The following RASA1 variants were observed in gnomAD, a reference collection of about 807,000 sequenced individuals.
RASA1 encodes RAS p21 protein activator 1, also known as ras GTPase-activating protein 1.
RASA1 carries 25 observed loss-of-function variants against 132.2 expected under a neutral mutation model. The observed-to-expected ratio is 0.19, with a 90% CI of 0.14 to 0.26. RASA1 has a LOEUF of 0.26. Ranked by LOEUF, RASA1 falls within the 10% of genes least tolerant of loss-of-function variation. RASA1 has a pLI of 1.00. For synonymous variants in RASA1, 477 were observed against 449.9 expected, an observed-to-expected ratio of 1.06 and a Z score of -0.76; for missense variants, 964 against 1,299.2, an observed-to-expected ratio of 0.74 and a Z score of 3.97.
At chr5:87,369,743 T>C (rs1180171482) in intron 11 of RASA1, 70 bp from the exon 12 acceptor site, 6 of 971,172 alleles carry the variant, frequency 6.2e-6, no homozygotes, top group Non-Finnish European at 9.7e-6. Context: ...TGTGAGTGTT[T>C]TGGAAGCTGG....
chr5:87,328,315 C>T (rs1757379098), intron 1 of RASA1, among the ~76,000 whole-genome samples: 1 of 29,914 alleles, frequency 3.3e-5, no homozygotes, highest in South Asian at 1.6e-3. Context: ...TTCTAGATTC[C>T]AGTTGAATTT....
chr5:87,283,575 T>A (rs1265107638), intron 1 of RASA1, among the ~76,000 whole-genome samples: 1 of 152,124 alleles, frequency 6.6e-6, no homozygotes, highest in Non-Finnish European at 1.5e-5. Flanking sequence ...CTGTTAAGTT[T>A]TTGTATATTA....
intron 1 of RASA1, among the ~76,000 whole-genome samples, chr5:87,323,808 T>C (rs1378292944): frequency 1.3e-5 from 2 of 152,132 alleles, no homozygotes; most frequent in African/African-American, 4.8e-5. Flanking sequence ...TCAGTTGCCA[T>C]TCATCTTTTA....
chr5:87,343,515 T>A (rs2112405384), intron 6 of RASA1, among the ~76,000 whole-genome samples: 1 of 152,222 alleles, frequency 6.6e-6, no homozygotes, highest in African/African-American at 2.4e-5. Context: ...AAAACTACAA[T>A]GAGATTTCAT....
chr5:87,270,646 C>A (rs968914137), intron 1 of RASA1, among the ~76,000 whole-genome samples: 3 of 71,764 alleles, frequency 4.2e-5, no homozygotes, highest in Non-Finnish European at 7.4e-5. Context: ...GGTGCCCGGC[C>A]TTTTTTTTTT....
intron 1 of RASA1, among the ~76,000 whole-genome samples, chr5:87,281,116 A>G (rs1168021484): frequency 6.6e-6 from 1 of 152,024 alleles, no homozygotes; most frequent in Non-Finnish European, 1.5e-5. Context: ...GGAATTGCTG[A>G]ATCATATGGT....
At chr5:87,272,854 C>T (rs1018227794) in intron 1 of RASA1, among the ~76,000 whole-genome samples, 21 of 152,066 alleles carry the variant, frequency 1.4e-4, no homozygotes, top group African/African-American at 5.1e-4. Context: ...ATTCCTATTC[C>T]TGAATGTAGA....
intron 1 of RASA1, among the ~76,000 whole-genome samples, chr5:87,287,716 TAG>T (rs1754703446): frequency 1.6e-5 from 1 of 61,720 alleles, no homozygotes; most frequent in Non-Finnish European, 3.3e-5. Flanking sequence ...GTACACGCCA[TAG>T]ATATACCATT....
At chr5:87,290,907 G>T (rs1034403240) in intron 1 of RASA1, among the ~76,000 whole-genome samples, 1 of 152,276 alleles carries the variant, frequency 6.6e-6, no homozygotes, top group South Asian at 2.1e-4. Flanking sequence ...GAATAAAGGT[G>T]CTTATAAACA....
chr5:87,275,017 C>T (rs1210643012), intron 1 of RASA1, among the ~76,000 whole-genome samples: 1 of 152,134 alleles, frequency 6.6e-6, no homozygotes, highest in Admixed American at 6.5e-5. Flanking sequence ...TGATTAGCCA[C>T]TCTGGGGAAA....
chr5:87,300,562 T>C (rs1284329599), intron 1 of RASA1, among the ~76,000 whole-genome samples: 1 of 152,208 alleles, frequency 6.6e-6, no homozygotes, highest in Non-Finnish European at 1.5e-5. Context: ...CTGGTAAGTT[T>C]ATCCTGCTTA....
chr5:87,282,352 C>T (rs1471065744), intron 1 of RASA1, among the ~76,000 whole-genome samples: 2 of 152,164 alleles, frequency 1.3e-5, no homozygotes, highest in Non-Finnish European at 1.5e-5. Context: ...TTATGGTTGA[C>T]AATTCTTTTC....
At chr5:87,379,981 A>G in intron 19 of RASA1, 131 bp downstream of exon 19, 5 of 956,046 alleles carry the variant, frequency 5.2e-6, no homozygotes, top group Non-Finnish European at 6.3e-6. Flanking sequence ...GTTAATCTTT[A>G]TGAGATGAAT....
chr5:87,287,850 C>T (rs1362883278), intron 1 of RASA1, among the ~76,000 whole-genome samples: 63 of 43,080 alleles, frequency 1.5e-3, no homozygotes, highest in African/African-American at 8.1e-3. Context: ...ACCATATATA[C>T]ACACACCATA....
Position 87,338,537 on chromosome 5 carries a change from T to TATATA in RASA1, c.1017+446_1017+447insATATA, listed in dbSNP as rs1421369290. Among the ~76,000 whole-genome samples the TATATA allele has an allele frequency of 1.3e-4, 10 of 79,794 alleles. 1 individual carries two copies. The highest frequency in any genetic ancestry group is 1.8e-4 in the African/African-American group (4 of 21,950). 52.3% of individuals were successfully genotyped at this position (79,794 alleles called of 152,430 possible). A position where few individuals can be genotyped will look rare whatever the true frequency, so the allele number is the denominator to read the frequency against. The stretch of plus-strand genomic sequence containing the variant: ...TATATATATATATATATATATAAAA[T>TATATA]TTTTTTTTTTTTTAAGTAGAAATGG... On this transcript the variant is annotated intron_variant, in intron 5 of 24. Transcript: ENST00000274376.
chr5:87,293,391 G>A lies in RASA1; in HGVS notation c.539+24401G>A, dbSNP rs140442612. Among the ~76,000 whole-genome samples the A allele has an allele frequency of 9.2e-4, 140 of 152,164 alleles. 2 individuals carry two copies. Among genetic ancestry groups the A allele is most frequent in the African/African-American group, 3.2e-3 (133 of 41,512 alleles). On this transcript the variant is annotated intron_variant, in intron 1 of 24. Transcript: ENST00000274376. ...TCATGTGATTTTTCTTCACCCTGACGTGATTGATTACATTGATTTTTAAAA... is the reference window on the plus strand; with the variant it reads ...TCATGTGATTTTTCTTCACCCTGACATGATTGATTACATTGATTTTTAAAA...
At chr5:87,389,607 T>G in intron 24 of RASA1, 80 bp downstream of exon 24, 1 of 1,539,102 alleles carries the variant, frequency 6.5e-7, no homozygotes, top group East Asian at 2.3e-5. Context: ...GAATTCTGGT[T>G]AACATTTTTA....
intron 1 of RASA1, among the ~76,000 whole-genome samples, chr5:87,304,488 CA>C (rs1391899256): frequency 6.9e-6 from 1 of 144,778 alleles, no homozygotes. Context: ...TTTTTTTTGA[CA>C]TGGAGTCTCA....
At chr5:87,294,612 C>A (rs1193335823) in intron 1 of RASA1, 1 of 152,172 alleles carries the variant, frequency 6.6e-6, no homozygotes, top group Non-Finnish European at 1.5e-5. Context: ...TAAAATTGCT[C>A]TTCACATTTC....
Sources: allele counts gnomAD v4.1 joint callset (sites outside exome capture counted in the v4.1 genomes callset), GRCh38; gene constraint gnomAD v4.1.1; transcripts MANE v1.5; gene names NCBI Gene and HGNC (gene_info 2026-07-23, HGNC 2026-07-21).